Variants in OR8G5 observed in about 807,000 individuals in gnomAD.
OR8G5 encodes olfactory receptor 8G5.
For synonymous variants in OR8G5, 147 were observed against 147.7 expected, an observed-to-expected ratio of 1.00 and a Z score of 0.03; for missense variants, 347 against 371.9, an observed-to-expected ratio of 0.93 and a Z score of 0.55.
intron 1 of OR8G5, among the ~76,000 whole-genome samples, chr11:124,262,759 G>T (rs1861986002): frequency 6.6e-6 from 1 of 151,696 alleles, no homozygotes; most frequent in Admixed American, 6.6e-5. Flanking sequence ...CTAACTTATG[G>T]TTGTTTTGAA....
chr11:124,264,415 A>T (rs1458581390), intron 1 of OR8G5, among the ~76,000 whole-genome samples: 1 of 152,218 alleles, frequency 6.6e-6, no homozygotes, highest in Non-Finnish European at 1.5e-5. Flanking sequence ...GTTTCATTTT[A>T]ATAATGTCTG....
At chr11:124,261,948 G>C (rs1413335717) in intron 1 of OR8G5, among the ~76,000 whole-genome samples, 1 of 151,780 alleles carries the variant, frequency 6.6e-6, no homozygotes, top group Admixed American at 6.6e-5. Context: ...AAATTATAAA[G>C]TGTCTTAAAC....
intron 1 of OR8G5, among the ~76,000 whole-genome samples, chr11:124,257,117 A>C (rs921405556): frequency 2.0e-5 from 3 of 152,056 alleles, no homozygotes; most frequent in Non-Finnish European, 4.4e-5. Context: ...TATTTCTCTC[A>C]CAAAGGAGGA....
chr11:124,256,793 A>G (rs1353017813), intron 1 of OR8G5, among the ~76,000 whole-genome samples, 159 bp downstream of exon 1: 2 of 152,224 alleles, frequency 1.3e-5, no homozygotes, highest in Non-Finnish European at 2.9e-5. Context: ...TTTGCCAGAT[A>G]TGGGCTAATA....
At chr11:124,260,234 A>G (rs1388420388) in intron 1 of OR8G5, among the ~76,000 whole-genome samples, 1 of 152,022 alleles carries the variant, frequency 6.6e-6, no homozygotes, top group African/African-American at 2.4e-5. Context: ...AATACCACTG[A>G]GCCATAAAAA....
At position 124,262,674 on chromosome 11, in the gene OR8G5, T is replaced by TACACACAC. The variant is rs377046056; in HGVS notation, c.-14-2236_-14-2229dup. Among the ~76,000 whole-genome samples the TACACACAC allele has an allele frequency of 5.1e-3, 771 of 151,186 alleles. 2 individuals are homozygous for TACACACAC. Among genetic ancestry groups the TACACACAC allele is most frequent in the South Asian group, 7.7e-3 (37 of 4,782 alleles). ...ATTCAGTTTTATATATATGTACATA[T>TACACACAC]ACACACACACACACATACACACACA... On this transcript the variant is annotated intron_variant, in intron 1 of 1. Coordinates refer to ENST00000641992, the MANE Select transcript of OR8G5 (RefSeq NM_001005198.2).
intron 1 of OR8G5, among the ~76,000 whole-genome samples, chr11:124,259,199 C>T (rs1214832776): frequency 6.6e-6 from 1 of 152,052 alleles, no homozygotes; most frequent in Non-Finnish European, 1.5e-5. Context: ...GATCTCTAAA[C>T]CTCAACATCA....
chr11:124,265,559 C>T lies in OR8G5; in HGVS notation c.628C>T (p.Pro210Ser), dbSNP rs746976563. ...LIFSGINILV[P>S]SLTILSSYIF... Reference sequence around the variant, plus strand: ...CTTTAGTGGAATTAACATCCTTGTCCCCAGCCTGACCATCCTCAGCTCTTA... The same window carrying T: ...CTTTAGTGGAATTAACATCCTTGTCTCCAGCCTGACCATCCTCAGCTCTTA... The change falls in exon 2 of 2, where the codon CCC (proline) becomes TCC (serine). Residue 210 changes from proline (P) to serine (S), a missense_variant. Physicochemically the swap from Pro to Ser is moderately conservative, Grantham distance 74. Transcript: ENST00000641992. 5 of 1,613,698 alleles carry T rather than the reference C, an allele frequency of 3.1e-6. No homozygotes were observed. The highest frequency in any genetic ancestry group is 2.7e-5 in the African/African-American group (2 of 74,882).
In OR8G5 at chr11:124,265,060, G is replaced by A. The variant is rs756430444; in HGVS notation, c.129G>A (p.Leu43=). 2 of 1,614,098 alleles carry A rather than the reference G, an allele frequency of 1.2e-6. No individual in the cohort carries two copies. Among genetic ancestry groups the A allele is most frequent in the Non-Finnish European group, 8.5e-7 (1 of 1,180,024 alleles). Residue 43 remains leucine, a synonymous_variant, in exon 2 of 2, where the codon CTG becomes CTA. Coordinates refer to ENST00000641992, the MANE Select transcript of OR8G5 (RefSeq NM_001005198.2). ...ATGTAGTCACAGTGCTGGGGAACCT[G>A]GGCATGATCACACTGATTGGGCTCA... The part of the protein sequence containing the change: ...GIYVVTVLGN[L]GMITLIGLSS...
chr11:124,265,344 A>G lies in OR8G5; in HGVS notation c.413A>G (p.Asn138Ser), dbSNP rs1862017584. The change falls in exon 2 of 2, where the codon AAT (asparagine) becomes AGT (serine). Residue 138 changes from asparagine to serine, a missense_variant. Asn to Ser is a conservative substitution (Grantham distance 46, BLOSUM62 1). Transcript: ENST00000641992. ...SPLLYSIIIS[N>S]KACFSLILVV... Reference sequence around the variant, plus strand: ...TTGCTGTACAGCATCATCATATCCAATAAGGCTTGCTTTTCTCTGATTTTA... The same window carrying G: ...TTGCTGTACAGCATCATCATATCCAGTAAGGCTTGCTTTTCTCTGATTTTA... 1 of 1,613,892 alleles carries G rather than the reference A, an allele frequency of 6.2e-7. No homozygotes were observed. The highest frequency in any genetic ancestry group is 1.3e-5 in the African/African-American group (1 of 74,916).
At chr11:124,260,175 AT>A (rs11287140) in intron 1 of OR8G5, among the ~76,000 whole-genome samples, 73,091 of 151,478 alleles carry the variant, frequency 0.48, 18,413 homozygotes, top group East Asian at 0.58. Context: ...ATAGTCATGC[AT>A]TTTTTTTGTC....
Position 124,265,010 on chromosome 11 carries a change from C to T in OR8G5, c.79C>T (p.Leu27Phe), listed in dbSNP as rs1591396612. ...AGAGAAGTCAGAGCTACAGCTGCCC[C>T]TCTTCCTCGTCTTCCTGGGAATCTA... ...LTEKSELQLPLFLVFLGIYVV... is the reference protein window; with the variant it reads ...LTEKSELQLPFFLVFLGIYVV... Residue 27 changes from leucine (L) to phenylalanine (F), a missense_variant, in exon 2 of 2, where the codon CTC becomes TTC. Transcript: ENST00000641992. 6.2e-7 allele frequency: 1 copy of T among 1,614,034 alleles called. No homozygotes were observed. Among genetic ancestry groups the T allele is most frequent in the Non-Finnish European group, 8.5e-7 (1 of 1,179,932 alleles).
In OR8G5 at chr11:124,265,295, G is replaced by A. The variant is rs1380668530; in HGVS notation, c.364G>A (p.Gly122Ser). 1.4e-5 allele frequency: 22 copies of A among 1,613,864 alleles called. No individual in the cohort carries two copies. Among genetic ancestry groups the A allele is most frequent in the African/African-American group, 2.7e-5 (2 of 74,922 alleles). The change falls in exon 2 of 2, where the codon GGC becomes AGC. Residue 122 changes from glycine (G) to serine (S), a missense_variant. By Grantham distance (56) the Gly-to-Ser change is moderately conservative (BLOSUM62 0). Coordinates refer to ENST00000641992, the MANE Select transcript of OR8G5 (RefSeq NM_001005198.2). The part of the protein sequence containing the change: ...CHMLAAMAYD[G>S]YVAICSPLLY... The stretch of plus-strand genomic sequence containing the variant: ...CATGTTGGCTGCAATGGCATATGAC[G>A]GCTACGTGGCCATCTGTAGCCCCTT...
intron 1 of OR8G5, among the ~76,000 whole-genome samples, chr11:124,257,382 G>A (rs1056336661): frequency 9.9e-5 from 15 of 152,126 alleles, no homozygotes; most frequent in African/African-American, 3.6e-4. Context: ...TATTTAATGT[G>A]TATATACATG....
Position 124,265,718 on chromosome 11 carries a change from T to G in OR8G5, c.787T>G (p.Ser263Ala), listed in dbSNP as rs760992047. 15 of 1,613,968 alleles carry G rather than the reference T, an allele frequency of 9.3e-6. No homozygotes were observed. The highest frequency in any genetic ancestry group is 1.2e-5 in the Non-Finnish European group (14 of 1,179,964). Residue 263 changes from serine to alanine, a missense_variant, in exon 2 of 2, where the codon TCA (serine) becomes GCA (alanine). Ser to Ala is a moderately conservative substitution (Grantham distance 99). Coordinates refer to ENST00000641992, the MANE Select transcript of OR8G5 (RefSeq NM_001005198.2). ...GSAAFMYLQP[S>A]SVSSMDQGKV... ...TGCAGCATTCATGTACCTGCAGCCA[T>G]CATCTGTCAGCTCCATGGACCAGGG...
Position 124,265,900 on chromosome 11 carries a change from C to T in OR8G5, c.*33C>T. On this transcript the variant is annotated 3_prime_UTR_variant, in exon 2 of 2. Coordinates refer to ENST00000641992, the MANE Select transcript of OR8G5 (RefSeq NM_001005198.2). ...TACAATGAAAAAGATTGCATTAGAT[C>T]TAAGTTTTTGGCTATGATATTGTAT... 6.4e-7 allele frequency: 1 copy of T among 1,551,496 alleles called. No homozygotes were observed. Among genetic ancestry groups the T allele is most frequent in the Non-Finnish European group, 8.7e-7 (1 of 1,149,826 alleles).
chr11:124,264,186 A>T (rs1036658930), intron 1 of OR8G5, among the ~76,000 whole-genome samples: 13 of 152,316 alleles, frequency 8.5e-5, no homozygotes, highest in Middle Eastern at 3.4e-3. Flanking sequence ...GTCATGACAC[A>T]AAGAGGCTAT....
At chr11:124,262,673 A>ACC (rs2137759817) in intron 1 of OR8G5, among the ~76,000 whole-genome samples, 1 of 45,180 alleles carries the variant, frequency 2.2e-5, no homozygotes, top group African/African-American at 5.4e-5. Flanking sequence ...ATATGTACAT[A>ACC]TACACACACA....
chr11:124,265,644 T>C lies in OR8G5; in HGVS notation c.713T>C (p.Phe238Ser), dbSNP rs1459837663. Residue 238 changes from phenylalanine (F) to serine (S), a missense_variant, in exon 2 of 2, where the codon TTC becomes TCC. By Grantham distance (155) the Phe-to-Ser change is radical (BLOSUM62 -2). Coordinates refer to ENST00000641992, the MANE Select transcript of OR8G5 (RefSeq NM_001005198.2). ...TACACTGAGGGCAGGTCCAAAGCCTTCAGCACTTGCAGCTCCCACATCTCG... is the reference window on the plus strand; with the variant it reads ...TACACTGAGGGCAGGTCCAAAGCCTCCAGCACTTGCAGCTCCCACATCTCG... Reference protein sequence around the residue: ...IRYTEGRSKAFSTCSSHISAV... With the variant: ...IRYTEGRSKASSTCSSHISAV... The C allele has an allele frequency of 6.2e-7, 1 of 1,614,032 alleles. No homozygotes were observed. Among genetic ancestry groups the C allele is most frequent in the Non-Finnish European group, 8.5e-7 (1 of 1,179,920 alleles).
Sources: gnomAD v4.1 joint callset for allele counts (sites outside exome capture counted in the v4.1 genomes callset) on GRCh38, gnomAD v4.1.1 for gene constraint, MANE v1.5 for transcripts, NCBI Gene and HGNC (gene_info 2026-07-23, HGNC 2026-07-21) for gene names.